The following SLC35E2B variants were observed in gnomAD, a reference collection of about 807,000 sequenced individuals.
The protein encoded by SLC35E2B is solute carrier family 35, member E2B.
SLC35E2B carries 18 observed loss-of-function variants against 32.4 expected under a neutral mutation model. That is an observed-to-expected ratio of 0.56 (90% CI 0.38 to 0.82). SLC35E2B has a LOEUF of 0.82. SLC35E2B is among the 40% of genes least tolerant of loss of function. The pLI is 0.00. For synonymous variants in SLC35E2B, 132 were observed against 209.1 expected, an observed-to-expected ratio of 0.63 and a Z score of 3.18; for missense variants, 263 against 469.5, an observed-to-expected ratio of 0.56 and a Z score of 4.06.
rs1643633506 is a variant in SLC35E2B, at chr1:1,669,671, A to G, written c.827T>C (p.Phe276Ser). The G allele has an allele frequency of 6.6e-7, 1 of 1,525,748 alleles. No homozygotes were observed. The allele number at this position is 1,525,748 out of a possible 1,614,324, so 94.5% of individuals were successfully genotyped here. ...CCTGTGTCTGAAACCCACCGTAAAG[A>G]AAACCCGGGCCGGGACGAGCATGGC... ...AVAMLVPARV[F>S]FTDVPVIGRS... The change falls in exon 8 of 10, where the codon TTC becomes TCC. Residue 276 changes from phenylalanine (F) to serine (S), a missense_variant. Physicochemically the swap from Phe to Ser is radical, Grantham distance 155. This residue lies in a region of SLC35E2B where 129 missense variants were observed against 164.5 expected (regional missense o/e 0.78). Coordinates refer to ENST00000617444, the MANE Select transcript of SLC35E2B (RefSeq NM_001290264.2).
intron 2 of SLC35E2B, among the ~76,000 whole-genome samples, chr1:1,677,918 C>T (rs1195648424): frequency 6.6e-6 from 1 of 151,942 alleles, no homozygotes; most frequent in Admixed American, 6.6e-5. Flanking sequence ...ATCCCCCCAG[C>T]TGGGGCTTTG....
chr1:1,671,239 G>A (rs1398571583), intron 6 of SLC35E2B: 17 of 281,942 alleles, frequency 6.0e-5, no homozygotes, highest in African/African-American at 8.8e-5. Flanking sequence ...ACTGCTGAGC[G>A]TATCTGCGTA....
rs1644026079 is a variant in SLC35E2B, at chr1:1,692,444, CCCA to C, written c.-566+2_-566+4del. 1.0e-6 allele frequency: 1 copy of C among 989,880 alleles called. No homozygotes were observed. Among genetic ancestry groups the C allele is most frequent in the Non-Finnish European group, 1.2e-6 (1 of 834,102 alleles). The allele number at this position is 989,880 out of a possible 1,614,324, so 61.3% of individuals were successfully genotyped here. A position where few individuals can be genotyped will look rare whatever the true frequency, so the allele number is the denominator to read the frequency against. Reference sequence around the variant, plus strand: ...CGAGCAGAGCACCCCGCACGCAGAACCCACCGAGAGCCTGATGCAGTCTCCGCC... The same window carrying C: ...CGAGCAGAGCACCCCGCACGCAGAACCCGAGAGCCTGATGCAGTCTCCGCC... On this transcript the variant is annotated splice_donor_variant and splice_donor_region_variant and intron_variant, in intron 1 of 9. Transcript: ENST00000617444. LOFTEE classifies it low-confidence loss of function (5UTR_SPLICE).
intron 2 of SLC35E2B, among the ~76,000 whole-genome samples, chr1:1,688,077 G>A (rs146407598): frequency 3.2e-4 from 48 of 152,146 alleles, no homozygotes; most frequent in African/African-American, 1.0e-3. Flanking sequence ...GAGGGAGGGC[G>A]CAGGGGGCTT....
intron 5 of SLC35E2B, 38 bp downstream of exon 5, chr1:1,675,425 T>C (rs1222382431): frequency 8.7e-6 from 14 of 1,606,264 alleles, no homozygotes; most frequent in Non-Finnish European, 1.2e-5. Flanking sequence ...CCTGGGATGG[T>C]GGGGCGCAGG....
In SLC35E2B at chr1:1,666,642, C is replaced by T. The variant is rs182080868; in HGVS notation, c.981-623G>A. 2.9e-4 allele frequency among the ~76,000 whole-genome samples: 44 copies of T among 151,812 alleles called. No homozygotes were observed. The Middle Eastern group carries it at 0.01, about 35-fold the overall frequency. ...AGCGGCTTAGCCTGGAATCCCAGCA[C>T]TGTGGGAGGCTAGGCGTGGGGGCTC... On this transcript the variant is annotated intron_variant, in intron 9 of 9. Transcript: ENST00000617444.
chr1:1,669,742 G>C lies in SLC35E2B; in HGVS notation c.762-6C>G. 5 of 1,547,838 alleles carry C rather than the reference G, an allele frequency of 3.2e-6. No individual in the cohort carries two copies. Among genetic ancestry groups the C allele is most frequent in the Non-Finnish European group, 3.5e-6 (4 of 1,145,746 alleles). Reference sequence around the variant, plus strand: ...AGAACTGCAGCTCCGGGGCCCTGTGGGTGACAGAACACGCTGGGCCCCCCG... The same window carrying C: ...AGAACTGCAGCTCCGGGGCCCTGTGCGTGACAGAACACGCTGGGCCCCCCG... On this transcript the variant is annotated splice_polypyrimidine_tract_variant and splice_region_variant and intron_variant, in intron 7 of 9. Coordinates refer to ENST00000617444, the MANE Select transcript of SLC35E2B (RefSeq NM_001290264.2).
intron 2 of SLC35E2B, among the ~76,000 whole-genome samples, chr1:1,686,321 C>CTTTTTTTTT (rs375495225): frequency 2.3e-5 from 3 of 127,786 alleles, no homozygotes; most frequent in Non-Finnish European, 4.9e-5. Flanking sequence ...CTTTTTTTTT[C>CTTTTTTTTT]TTTTTTTTTT....
chr1:1,684,094 G>A (rs1425177553), intron 2 of SLC35E2B, among the ~76,000 whole-genome samples: 1 of 152,130 alleles, frequency 6.6e-6, no homozygotes, highest in African/African-American at 2.4e-5. Flanking sequence ...AGACCCGTGG[G>A]CCGCAGGGTA....
At chr1:1,680,704 C>T (rs187223775) in intron 2 of SLC35E2B, among the ~76,000 whole-genome samples, 1 of 152,284 alleles carries the variant, frequency 6.6e-6, no homozygotes, top group East Asian at 1.9e-4. Context: ...CCCCAGCATC[C>T]CTGTCCCCAC....
In SLC35E2B at chr1:1,663,228, A is replaced by G; in HGVS notation, c.*2554T>C. The G allele has an allele frequency of 1.0e-6, 1 of 966,922 alleles. No individual in the cohort carries two copies. The highest frequency in any genetic ancestry group is 1.2e-6 in the Non-Finnish European group (1 of 813,822). The allele number at this position is 966,922 out of a possible 1,614,324, so 59.9% of individuals were successfully genotyped here. On this transcript the variant is annotated 3_prime_UTR_variant, in exon 10 of 10. Coordinates refer to ENST00000617444, the MANE Select transcript of SLC35E2B (RefSeq NM_001290264.2). The stretch of plus-strand genomic sequence containing the variant: ...AAAAACGTTTGTTTCTGGTCCACAA[A>G]CAGAAAATCCAAACAGGATGGCAGC...
chr1:1,665,069 A>G lies in SLC35E2B; in HGVS notation c.*713T>C. On this transcript the variant is annotated 3_prime_UTR_variant, in exon 10 of 10. Transcript: ENST00000617444. ...GGGTTGCGGGGAGCTCACGCAGCCCAGGGTGTGGAAGGGATAGGAGGGCAG... is the reference window on the plus strand; with the variant it reads ...GGGTTGCGGGGAGCTCACGCAGCCCGGGGTGTGGAAGGGATAGGAGGGCAG... 1 of 538,236 alleles carries G rather than the reference A, an allele frequency of 1.9e-6. No individual in the cohort carries two copies. Among genetic ancestry groups the G allele is most frequent in the Non-Finnish European group, 2.4e-6 (1 of 421,240 alleles). 33.3% of individuals were successfully genotyped at this position (538,236 alleles called of 1,614,324 possible). A position where few individuals can be genotyped will look rare whatever the true frequency, so the allele number is the denominator to read the frequency against.
chr1:1,667,603 A>G (rs1203229252), intron 9 of SLC35E2B, among the ~76,000 whole-genome samples: 2 of 151,986 alleles, frequency 1.3e-5, no homozygotes, highest in Non-Finnish European at 1.5e-5. Context: ...TGAATTCCTA[A>G]TCTGGTTCTT....
At chr1:1,666,095 G>A (rs991216520) in intron 9 of SLC35E2B, 76 bp from the exon 10 acceptor site, 1 of 1,475,270 alleles carries the variant, frequency 6.8e-7, no homozygotes, top group Non-Finnish European at 9.1e-7. Flanking sequence ...GCTCGGCTGA[G>A]CCTGGGTCTG....
chr1:1,669,865 G>C, intron 7 of SLC35E2B, 129 bp from the exon 8 acceptor site: 1 of 1,027,956 alleles, frequency 9.7e-7, no homozygotes. Flanking sequence ...CAGGACTAGG[G>C]TGCTGCAGCT....
intron 7 of SLC35E2B, 164 bp from the exon 8 acceptor site, chr1:1,669,900 A>G (rs1323339503): frequency 3.4e-5 from 30 of 885,436 alleles, no homozygotes; most frequent in Non-Finnish European, 5.1e-5. Flanking sequence ...ACGCAAACGC[A>G]CACCAGGCTG....
rs5772057 is a variant in SLC35E2B at position 1,662,738 on chromosome 1, CT to C, written c.*3043del. Reference sequence around the variant, plus strand: ...TTCCTTGAAAGAGAGCTGCAAATCTCTTAAGTATCAACGTAAAGAAGCCGAT... The same window carrying C: ...TTCCTTGAAAGAGAGCTGCAAATCTCTAAGTATCAACGTAAAGAAGCCGAT... On this transcript the variant is annotated 3_prime_UTR_variant, in exon 10 of 10. Coordinates refer to ENST00000617444, the MANE Select transcript of SLC35E2B (RefSeq NM_001290264.2). The C allele has an allele frequency of 0.097, 73,180 of 755,832 alleles. 15,870 individuals carry two copies. Among genetic ancestry groups the C allele is most frequent in the African/African-American group, 0.47 (26,124 of 55,186 alleles). 46.8% of individuals were successfully genotyped at this position (755,832 alleles called of 1,614,324 possible).
chr1:1,686,349 T>C (rs1366065744), intron 2 of SLC35E2B, among the ~76,000 whole-genome samples: 2 of 143,514 alleles, frequency 1.4e-5, no homozygotes, highest in South Asian at 2.2e-4. Context: ...TGCTGACTCA[T>C]GGGTTAGAAT....
chr1:1,675,440 G>A (rs1643819501), intron 5 of SLC35E2B, 23 bp downstream of exon 5: 2 of 1,612,042 alleles, frequency 1.2e-6, no homozygotes, highest in Non-Finnish European at 1.7e-6. Context: ...CGCAGGCGGA[G>A]GGGCGGGGCC....
Sources: gnomAD v4.1 joint callset for allele counts (sites outside exome capture counted in the v4.1 genomes callset) on GRCh38, gnomAD v4.1.1 for gene constraint, gnomAD v4.1.1 regional missense constraint, MANE v1.5 for transcripts, NCBI Gene and HGNC (gene_info 2026-07-23, HGNC 2026-07-21) for gene names.